Variants in GAS6 observed in about 807,000 individuals in gnomAD.
The protein encoded by GAS6 is growth arrest-specific protein 6.
In GAS6, 41 loss-of-function variants were observed where a neutral mutation model predicts 75.8. The observed-to-expected ratio is 0.54, with a 90% CI of 0.42 to 0.70. The LOEUF is 0.70. Ranked by LOEUF, GAS6 falls within the 30% of genes least tolerant of loss-of-function variation. The pLI is 0.00. For missense variants in GAS6, 854 were observed against 940.2 expected (o/e 0.91, Z 1.20); for synonymous variants, 432 against 412.6 (o/e 1.05, Z -0.57).
Position 113,823,465 on chromosome 13 carries a change from C to T in GAS6, c.1563G>A (p.Val521=). 6.2e-7 allele frequency: 1 copy of T among 1,612,802 alleles called. No individual in the cohort carries two copies. Among genetic ancestry groups the T allele is most frequent in the Non-Finnish European group, 8.5e-7 (1 of 1,179,964 alleles). The change falls in exon 13 of 15, where the codon GTG becomes GTA. Residue 521 remains valine, a synonymous_variant. Coordinates refer to ENST00000327773, the MANE Select transcript of GAS6 (RefSeq NM_000820.4). ...AHIRPAADTG[V]LFALWAPDLR... is the part of the protein sequence containing the mutation. ...GGTCGGGGGCCCAGAGCGCAAACAGCACGCCTGTGTCTGCGGCTGGGCGGA... is the reference window on the plus strand; with the variant it reads ...GGTCGGGGGCCCAGAGCGCAAACAGTACGCCTGTGTCTGCGGCTGGGCGGA...
intron 2 of GAS6, among the ~76,000 whole-genome samples, chr13:113,851,229 G>A (rs573995227): frequency 1.3e-5 from 2 of 152,142 alleles, no homozygotes; most frequent in East Asian, 3.9e-4. Flanking sequence ...ATGGATGGAT[G>A]GATGAATGAA....
chr13:113,823,557 T>G lies in GAS6; in HGVS notation c.1478-7A>C. ...ACGTCCAGAGGGGTCCGCACTGCAA[T>G]GAAAGCGGTGCATTATAGGGTGGTA... On this transcript the variant is annotated splice_polypyrimidine_tract_variant and splice_region_variant and intron_variant, in intron 12 of 14. Coordinates refer to ENST00000327773, the MANE Select transcript of GAS6 (RefSeq NM_000820.4). 1 of 1,606,624 alleles carries G rather than the reference T, an allele frequency of 6.2e-7. No homozygotes were observed. Among genetic ancestry groups the G allele is most frequent in the Non-Finnish European group, 8.5e-7 (1 of 1,175,910 alleles).
intron 10 of GAS6, among the ~76,000 whole-genome samples, 167 bp downstream of exon 10, chr13:113,832,132 G>A (rs931653214): frequency 8.0e-5 from 12 of 150,438 alleles, no homozygotes; most frequent in African/African-American, 9.8e-5. Context: ...AGGGGTCCCC[G>A]TCTCCCGGAG....
At chr13:113,846,418 C>T (rs1349960329) in intron 4 of GAS6, 109 bp downstream of exon 4, 2 of 886,200 alleles carry the variant, frequency 2.3e-6, no homozygotes, top group Non-Finnish European at 3.6e-6. Flanking sequence ...CAAGGGACCA[C>T]AGCTCCTTAA....
At chr13:113,827,752 T>C (rs1430316612) in intron 11 of GAS6, among the ~76,000 whole-genome samples, 1 of 152,072 alleles carries the variant, frequency 6.6e-6, no homozygotes, top group Non-Finnish European at 1.5e-5. Flanking sequence ...CTGCCTGGTG[T>C]GGAAGTGAAA....
intron 5 of GAS6, chr13:113,839,489 T>C: frequency 2.1e-6 from 1 of 469,612 alleles, no homozygotes; most frequent in Non-Finnish European, 3.7e-6. Context: ...CGCCCTTCAA[T>C]CAGTGGGTGC....
chr13:113,855,240 T>G (rs886731590), intron 2 of GAS6, among the ~76,000 whole-genome samples: 1 of 152,196 alleles, frequency 6.6e-6, no homozygotes, highest in Admixed American at 6.5e-5. Flanking sequence ...CAAGTTCACC[T>G]TTGGAGGTGT....
In GAS6 at chr13:113,820,699, G is replaced by A. The variant is rs748144090; in HGVS notation, c.*165C>T. 32 of 831,290 alleles carry A rather than the reference G, an allele frequency of 3.8e-5. 1 individual carries two copies. The highest frequency in any genetic ancestry group is 1.1e-4 in the South Asian group (6 of 52,588). The allele number at this position is 831,290 out of a possible 1,614,324, so 51.5% of individuals were successfully genotyped here. A position where few individuals can be genotyped will look rare whatever the true frequency, so the allele number is the denominator to read the frequency against. On this transcript the variant is annotated 3_prime_UTR_variant, in exon 15 of 15. Transcript: ENST00000327773. ...CCGGGCCCACGGCTGAGTGCGCGGC[G>A]TCAGAGGCCCCAAGTCCATCTCACT...
At chr13:113,827,584 C>T (rs866447931) in intron 11 of GAS6, among the ~76,000 whole-genome samples, 1 of 149,608 alleles carries the variant, frequency 6.7e-6, no homozygotes, top group South Asian at 2.1e-4. Context: ...GTCTGTGGGC[C>T]TGGGAAGCAG....
chr13:113,833,075 G>T (rs1056600174), intron 8 of GAS6: 1 of 1,240,100 alleles, frequency 8.1e-7, no homozygotes, highest in Non-Finnish European at 1.0e-6. Flanking sequence ...TCATTAAAAA[G>T]TATACACTAT....
chr13:113,843,044 G>A (rs1052822489), intron 4 of GAS6: 6 of 392,114 alleles, frequency 1.5e-5, no homozygotes, highest in Non-Finnish European at 2.2e-5. Context: ...CCACACCTGA[G>A]GGGTGGACAG....
chr13:113,848,202 C>T lies in GAS6; in HGVS notation c.256-152G>A, dbSNP rs575116232. 2.0e-5 allele frequency: 15 copies of T among 752,110 alleles called. No homozygotes were observed. The highest frequency in any genetic ancestry group is 8.8e-5 in the African/African-American group (5 of 56,808). The allele number at this position is 752,110 out of a possible 1,614,324, so 46.6% of individuals were successfully genotyped here. A position where few individuals can be genotyped will look rare whatever the true frequency, so the allele number is the denominator to read the frequency against. On this transcript the variant is annotated intron_variant, in intron 2 of 14. Transcript: ENST00000327773. This position sits in a 1 kb window ranked among gnomAD's most constrained non-coding sequence, Gnocchi z 4.8. ...GAACTGAGGGGAAGTGACCGGGGCA[C>T]GACTGCTGTGAGACCAACAAGCAAA...
At chr13:113,831,216 G>A (rs1323742074) in intron 10 of GAS6, among the ~76,000 whole-genome samples, 3 of 152,218 alleles carry the variant, frequency 2.0e-5, no homozygotes, top group Non-Finnish European at 4.4e-5. Flanking sequence ...GACCCCTCAG[G>A]TTGCCCATGG....
chr13:113,856,508 G>A (rs931000053), intron 2 of GAS6, among the ~76,000 whole-genome samples: 4 of 152,218 alleles, frequency 2.6e-5, no homozygotes, highest in African/African-American at 7.2e-5. Flanking sequence ...AGGAGGACCC[G>A]TGCACGATTC....
At chr13:113,849,008 G>C (rs1369336578) in intron 2 of GAS6, among the ~76,000 whole-genome samples, 1 of 152,162 alleles carries the variant, frequency 6.6e-6, no homozygotes, top group Non-Finnish European at 1.5e-5. Flanking sequence ...GGCTTCATGC[G>C]CTGGCTCTGC....
chr13:113,828,079 C>CCTGGCTAACAT (rs1566356357), intron 11 of GAS6, among the ~76,000 whole-genome samples: 4 of 152,086 alleles, frequency 2.6e-5, no homozygotes, highest in South Asian at 2.1e-4. Context: ...ATCGAGACCA[C>CCTGGCTAACAT]GGCGAAACCC....
At chr13:113,831,489 T>C (rs1415178019) in intron 10 of GAS6, among the ~76,000 whole-genome samples, 3 of 152,046 alleles carry the variant, frequency 2.0e-5, no homozygotes, top group Non-Finnish European at 4.4e-5. Context: ...ACCCTGCGTG[T>C]AGCGTCAAGC....
chr13:113,826,108 G>A (rs369366076), intron 12 of GAS6, among the ~76,000 whole-genome samples: 73 of 152,314 alleles, frequency 4.8e-4, no homozygotes, highest in African/African-American at 1.6e-3. Context: ...CAGCACCCCC[G>A]GAGCCTGCAC....
intron 8 of GAS6, 55 bp from the exon 9 acceptor site, chr13:113,832,807 C>G (rs1392770884): frequency 6.2e-7 from 1 of 1,609,022 alleles, no homozygotes; most frequent in African/African-American, 1.3e-5. Context: ...TCCTGCTCCC[C>G]TGAGCCCCAC....
Sources: gnomAD v4.1 joint callset for allele counts (sites outside exome capture counted in the v4.1 genomes callset) on GRCh38, gnomAD v4.1.1 for gene constraint, Gnocchi (gnomAD v3.1) non-coding constraint, MANE v1.5 for transcripts, NCBI Gene and HGNC (gene_info 2026-07-23, HGNC 2026-07-21) for gene names.